The following RANBP3 variants were observed in gnomAD, a reference collection of about 807,000 sequenced individuals.
RANBP3 encodes ran-binding protein 3.
Under a neutral mutation model 77.3 loss-of-function variants are expected in RANBP3, and 14 were observed. The observed-to-expected ratio is 0.18, with a 90% confidence interval of 0.12 to 0.28. The LOEUF (loss-of-function observed/expected upper bound fraction) is 0.28. Ranked by LOEUF, RANBP3 falls within the 10% of genes least tolerant of loss-of-function variation. The pLI is 1.00. For missense variants in RANBP3, 586 were observed against 752.3 expected (o/e 0.78, Z 2.59); for synonymous variants, 315 against 312.4 (o/e 1.01, Z -0.09).
intron 1 of RANBP3, among the ~76,000 whole-genome samples, chr19:5,977,212 G>A (rs895400832): frequency 1.3e-5 from 2 of 152,040 alleles, no homozygotes; most frequent in African/African-American, 4.8e-5. Context: ...AAAAGGGGGG[G>A]AGCTAAAAAT....
intron 9 of RANBP3, 113 bp downstream of exon 9, chr19:5,927,855 C>A (rs145293880): frequency 1.7e-5 from 24 of 1,398,190 alleles, no homozygotes; most frequent in Non-Finnish European, 2.0e-5. Context: ...TCGCTAACAC[C>A]TTCTTTGTCC....
chr19:5,977,589 G>A (rs2058610076), intron 1 of RANBP3, among the ~76,000 whole-genome samples: 1 of 152,058 alleles, frequency 6.6e-6, no homozygotes, highest in African/African-American at 2.4e-5. Context: ...CTGGCCCGCG[G>A]AGGACGAGGG....
At chr19:5,925,765 T>A in intron 9 of RANBP3, 28 bp from the exon 10 acceptor site, 1 of 1,259,736 alleles carries the variant, frequency 7.9e-7, no homozygotes, top group Non-Finnish European at 1.1e-6. Flanking sequence ...CGCTCAGTAA[T>A]CGGGGGTGGG....
intron 1 of RANBP3, among the ~76,000 whole-genome samples, chr19:5,976,825 A>C (rs866416198): frequency 1.3e-5 from 2 of 152,196 alleles, no homozygotes; most frequent in African/African-American, 2.4e-5. Context: ...CGCCCGCCCA[A>C]CACCACACAG....
Position 5,921,091 on chromosome 19 carries a change from T to G in RANBP3, c.1330+110A>C, listed in dbSNP as rs1398666868. 3.6e-6 allele frequency: 5 copies of G among 1,379,420 alleles called. No homozygotes were observed. The East Asian group carries it at 1.2e-4, about 34-fold the overall frequency. The allele number at this position is 1,379,420 out of a possible 1,614,324, so 85.4% of individuals were successfully genotyped here. A position where few individuals can be genotyped will look rare whatever the true frequency, so the allele number is the denominator to read the frequency against. ...TGGGAGACCGACTCTGTGCCTTGAC[T>G]CTCACAAGGGTAGGGTCAGGATCTC... On this transcript the variant is annotated intron_variant, in intron 14 of 16. Transcript: ENST00000340578. This position sits in a 1 kb window ranked among gnomAD's most constrained non-coding sequence, Gnocchi z 5.3.
At chr19:5,936,335 C>A (rs556570144) in intron 5 of RANBP3, among the ~76,000 whole-genome samples, 1 of 152,182 alleles carries the variant, frequency 6.6e-6, no homozygotes, top group East Asian at 1.9e-4. Flanking sequence ...GTGCCCCTGG[C>A]GTCATCTCCA....
intron 3 of RANBP3, among the ~76,000 whole-genome samples, chr19:5,942,162 C>T (rs1448134947): frequency 6.6e-6 from 1 of 152,184 alleles, no homozygotes. Context: ...CTCATCTGGC[C>T]CCCGTTCATT....
At chr19:5,936,542 G>A (rs1184070560) in intron 5 of RANBP3, among the ~76,000 whole-genome samples, 1 of 152,230 alleles carries the variant, frequency 6.6e-6, no homozygotes, top group Admixed American at 6.5e-5. Flanking sequence ...AGTACCGCAC[G>A]GAGTGATTTC....
intron 1 of RANBP3, chr19:5,976,373 C>T (rs1050250254): frequency 6.6e-6 from 1 of 152,150 alleles, no homozygotes; most frequent in Non-Finnish European, 1.5e-5. Flanking sequence ...ATACTGATTC[C>T]CACTTACCCA....
At chr19:5,948,513 G>T (rs1366865227) in intron 3 of RANBP3, among the ~76,000 whole-genome samples, 1 of 152,102 alleles carries the variant, frequency 6.6e-6, no homozygotes, top group Admixed American at 6.6e-5. Flanking sequence ...GTGTACCAGG[G>T]CCTCAGTGAG....
At chr19:5,955,945 T>A (rs532172787) in intron 2 of RANBP3, among the ~76,000 whole-genome samples, 23 of 144,682 alleles carry the variant, frequency 1.6e-4, no homozygotes, top group East Asian at 1.2e-3. Flanking sequence ...CTAAAAAAAA[T>A]TTTTTTTTTT....
intron 12 of RANBP3, 84 bp downstream of exon 12, chr19:5,923,728 C>A (rs914985645): frequency 7.0e-6 from 8 of 1,146,770 alleles, no homozygotes; most frequent in Non-Finnish European, 1.0e-5. Context: ...CCCCTTATCC[C>A]TCCCGGCTGG....
chr19:5,927,108 G>C (rs570402923), intron 9 of RANBP3, among the ~76,000 whole-genome samples: 1 of 152,072 alleles, frequency 6.6e-6, no homozygotes, highest in African/African-American at 2.4e-5. Flanking sequence ...ACCGCCTCTC[G>C]AGCTTTGAAA....
chr19:5,951,665 C>T (rs1166212883), intron 2 of RANBP3, 69 bp from the exon 3 acceptor site: 3 of 1,448,650 alleles, frequency 2.1e-6, no homozygotes, highest in Non-Finnish European at 2.8e-6. Flanking sequence ...GAAGGGCGGG[C>T]AGGGGTCAGA....
chr19:5,917,613 T>G lies in RANBP3; in HGVS notation c.1701A>C (p.Thr567=), dbSNP rs1478659540. The G allele has an allele frequency of 1.2e-6, 2 of 1,602,786 alleles. No homozygotes were observed. The highest frequency in any genetic ancestry group is 2.2e-5 in the South Asian group (2 of 89,764). Residue 567 remains threonine, a synonymous_variant, in exon 17 of 17, where the codon ACA becomes ACC. Transcript: ENST00000340578. ...DEGDGQTTGS[T] is the part of the protein sequence containing the mutation. ...TGTGCAGCCGGGCTCCCGGCCGCTA[T>G]GTGCTCCCGGTCGTCTGCCCGTCCC...
chr19:5,941,898 T>C, intron 3 of RANBP3, 63 bp from the exon 4 acceptor site: 8 of 1,586,794 alleles, frequency 5.0e-6, no homozygotes, highest in South Asian at 2.2e-5. Context: ...CGAGCAACTC[T>C]CGGGGCCGTA....
chr19:5,926,777 CCT>C lies in RANBP3; in HGVS notation c.814-1042_814-1041del, dbSNP rs561907322. Among the ~76,000 whole-genome samples the C allele has an allele frequency of 2.0e-5, 3 of 152,194 alleles. No homozygotes were observed. In the East Asian group the frequency reaches 5.8e-4, roughly 29 times the overall value. On this transcript the variant is annotated intron_variant, in intron 9 of 16. Transcript: ENST00000340578. ...CCCTCCCTCCTTGGAGGGAACAGCC[CCT>C]GAGGGACTCATTATTTTGCCTAAAG...
At chr19:5,940,475 T>A (rs1432876970) in intron 5 of RANBP3, among the ~76,000 whole-genome samples, 1 of 152,272 alleles carries the variant, frequency 6.6e-6, no homozygotes, top group Middle Eastern at 3.4e-3. Flanking sequence ...GACAGTGTAA[T>A]AGCACTGGAA....
chr19:5,929,938 A>G (rs2057966233), intron 8 of RANBP3, among the ~76,000 whole-genome samples: 1 of 145,222 alleles, frequency 6.9e-6, no homozygotes, highest in African/African-American at 2.9e-5. Flanking sequence ...TTCTGAGCTC[A>G]ACCATTTGGG....
Sources: allele counts gnomAD v4.1 joint callset (sites outside exome capture counted in the v4.1 genomes callset), GRCh38; gene constraint gnomAD v4.1.1; non-coding constraint Gnocchi (gnomAD v3.1); transcripts MANE v1.5; gene names NCBI Gene and HGNC (gene_info 2026-07-23, HGNC 2026-07-21).